Variants in CFAP58 observed in about 807,000 individuals in gnomAD.
CFAP58 encodes the protein cilia- and flagella-associated protein 58.
A neutral mutation model predicts 119.5 loss-of-function variants in CFAP58; 88 were observed. The ratio of observed to expected loss-of-function variants is 0.74; its 90% CI spans 0.62 to 0.88. CFAP58 has a LOEUF of 0.88. Ranked by LOEUF, CFAP58 falls within the 40% of genes least tolerant of loss-of-function variation. CFAP58 has a pLI of 0.00. For missense variants in CFAP58, 990 were observed against 1,021.2 expected (o/e 0.97, Z 0.42); for synonymous variants, 365 against 366.3 (o/e 1.00, Z 0.04).
rs12769756 is a variant in CFAP58, at chr10:104,364,902, G to T, written c.597+13G>T. 0.25 allele frequency: 394,196 copies of T among 1,606,240 alleles called. 51,199 individuals are homozygous for T. The highest frequency in any genetic ancestry group is 0.3 in the Middle Eastern group (1,743 of 5,860). On this transcript the variant is annotated intron_variant, in intron 4 of 17. Coordinates refer to ENST00000369704, the MANE Select transcript of CFAP58 (RefSeq NM_001008723.2). ...TGCCATCAGTCAGGTCTGCCATGGA[G>T]GGCAAGAAGAAGGAATATTTCCTTC... is the stretch of plus-strand genomic sequence containing the variant.
chr10:104,438,280 C>T (rs2012966727), intron 15 of CFAP58, among the ~76,000 whole-genome samples: 1 of 150,926 alleles, frequency 6.6e-6, no homozygotes, highest in Non-Finnish European at 1.5e-5. Flanking sequence ...GAATGCCTAA[C>T]AACACTCAGC....
At chr10:104,380,349 G>A in intron 9 of CFAP58, 129 bp downstream of exon 9, 1 of 849,756 alleles carries the variant, frequency 1.2e-6, no homozygotes, top group Non-Finnish European at 1.8e-6. Context: ...AGATTTGGGA[G>A]GAACGATGTG....
At chr10:104,364,580 C>G (rs1317362281) in intron 3 of CFAP58, among the ~76,000 whole-genome samples, 153 bp from the exon 4 acceptor site, 1 of 151,842 alleles carries the variant, frequency 6.6e-6, no homozygotes, top group Non-Finnish European at 1.5e-5. Flanking sequence ...CAATCTGATC[C>G]CATATCATGG....
At position 104,361,401 on chromosome 10, in the gene CFAP58, AT is replaced by A. The variant is rs539361191; in HGVS notation, c.292-620del. 9.5e-4 allele frequency among the ~76,000 whole-genome samples: 145 copies of A among 152,274 alleles called. 1 individual carries two copies. Among genetic ancestry groups the A allele is most frequent in the African/African-American group, 3.3e-3 (137 of 41,550 alleles). ...AACAGTAAAGAACATCGTTGTGTGG[AT>A]TGTTCTAAAGTTCACATTGTCACTA... On this transcript the variant is annotated intron_variant, in intron 2 of 17. Transcript: ENST00000369704.
intron 12 of CFAP58, 129 bp downstream of exon 12, chr10:104,399,629 C>A: frequency 1.1e-6 from 1 of 926,798 alleles, no homozygotes; most frequent in Non-Finnish European, 1.6e-6. Context: ...AGCAGAGACC[C>A]ATCTTGTGTT....
rs150084222 is a variant in CFAP58 at position 104,400,347 on chromosome 10, A to G, written c.1816-333A>G. Among the ~76,000 whole-genome samples the G allele has an allele frequency of 6.4e-3, 977 of 152,188 alleles. 11 individuals carry two copies. The highest frequency in any genetic ancestry group is 0.022 in the African/African-American group (929 of 41,522). On this transcript the variant is annotated intron_variant, in intron 12 of 17. Transcript: ENST00000369704. ...TTTTTAGTAGAGATGGGGTTTCATC[A>G]TGTTGGCCAGGCTGCTCGCGAACTC... is the stretch of plus-strand genomic sequence containing the variant.
intron 15 of CFAP58, among the ~76,000 whole-genome samples, chr10:104,426,085 G>A (rs1589931856): frequency 6.6e-6 from 1 of 152,068 alleles, no homozygotes; most frequent in Non-Finnish European, 1.5e-5. Context: ...TACAAAAATT[G>A]GCTGGATGTG....
intron 15 of CFAP58, among the ~76,000 whole-genome samples, chr10:104,441,085 C>T (rs2013029436): frequency 6.6e-6 from 1 of 152,220 alleles, no homozygotes; most frequent in Admixed American, 6.5e-5. Flanking sequence ...TCACTGCAGC[C>T]TCTGCCTCCC....
chr10:104,446,245 T>C (rs1031712590), intron 15 of CFAP58, among the ~76,000 whole-genome samples: 57 of 152,258 alleles, frequency 3.7e-4, no homozygotes, highest in African/African-American at 1.4e-3. Context: ...CTTTGTAATT[T>C]GATTTGTTCA....
intron 9 of CFAP58, among the ~76,000 whole-genome samples, chr10:104,388,837 A>T (rs1044423689): frequency 6.6e-6 from 1 of 152,192 alleles, no homozygotes; most frequent in Admixed American, 6.5e-5. Context: ...AAAAGGTAGG[A>T]GTAGGTTATA....
At chr10:104,449,870 A>G (rs1321682533) in intron 16 of CFAP58, among the ~76,000 whole-genome samples, 2 of 152,152 alleles carry the variant, frequency 1.3e-5, no homozygotes, top group African/African-American at 4.8e-5. Context: ...TAAAGTTGCA[A>G]CCTAGTGATG....
At chr10:104,431,610 T>A (rs1354618748) in intron 15 of CFAP58, among the ~76,000 whole-genome samples, 4 of 152,212 alleles carry the variant, frequency 2.6e-5, no homozygotes, top group African/African-American at 9.6e-5. Context: ...TTGTCACATT[T>A]GTTTCAGATT....
intron 14 of CFAP58, among the ~76,000 whole-genome samples, chr10:104,405,831 C>T (rs1359318710): frequency 6.6e-6 from 1 of 152,204 alleles, no homozygotes; most frequent in Non-Finnish European, 1.5e-5. Flanking sequence ...ATTCTAGGGG[C>T]TGGGCACAGT....
At chr10:104,353,995 A>C in intron 1 of CFAP58, 89 bp downstream of exon 1, 2 of 1,495,914 alleles carry the variant, frequency 1.3e-6, no homozygotes, top group South Asian at 1.1e-5. Flanking sequence ...CGGTGATTCC[A>C]ATATTTCCCC....
intron 15 of CFAP58, among the ~76,000 whole-genome samples, chr10:104,442,285 T>A (rs1339588115): frequency 3.3e-5 from 5 of 152,152 alleles, no homozygotes; most frequent in Non-Finnish European, 7.4e-5. Flanking sequence ...AGTTGAGGAA[T>A]GTAGTTTAAG....
intron 7 of CFAP58, among the ~76,000 whole-genome samples, chr10:104,372,688 C>A (rs1197558511): frequency 1.3e-5 from 2 of 152,178 alleles, no homozygotes; most frequent in Non-Finnish European, 2.9e-5. Context: ...TTGTAACTGG[C>A]TATCAAAACA....
chr10:104,392,155 TA>T, intron 9 of CFAP58, 77 bp from the exon 10 acceptor site: 2 of 1,326,836 alleles, frequency 1.5e-6, no homozygotes, highest in Non-Finnish European at 2.1e-6. Context: ...CACCCTTAGA[TA>T]AAAAACTCCA....
At chr10:104,432,790 C>T (rs1028217392) in intron 15 of CFAP58, among the ~76,000 whole-genome samples, 6 of 152,124 alleles carry the variant, frequency 3.9e-5, no homozygotes, top group African/African-American at 7.2e-5. Flanking sequence ...CGTGAGCCAC[C>T]GCGCCCGGCC....
intron 15 of CFAP58, among the ~76,000 whole-genome samples, chr10:104,422,335 C>T (rs1177142615): frequency 6.6e-6 from 1 of 152,206 alleles, no homozygotes; most frequent in Non-Finnish European, 1.5e-5. Context: ...CAGTCTCTCA[C>T]TTTCCTTCCA....
Sources: gnomAD v4.1 joint callset for allele counts (sites outside exome capture counted in the v4.1 genomes callset) on GRCh38, gnomAD v4.1.1 for gene constraint, MANE v1.5 for transcripts, NCBI Gene and HGNC (gene_info 2026-07-23, HGNC 2026-07-21) for gene names.